CDKL1: variants seen among roughly 807,000 people sequenced by gnomAD.
The protein encoded by CDKL1 is cyclin dependent kinase like 1.
CDKL1 carries 41 observed loss-of-function variants against 42.0 expected under a neutral mutation model. That is an observed-to-expected ratio of 0.98 (90% confidence interval 0.76 to 1.27). The LOEUF is 1.27. CDKL1 is among the 50% of genes most tolerant of loss of function. CDKL1 has a pLI of 0.00. For missense variants in CDKL1, 394 were observed against 428.4 expected, an observed-to-expected ratio of 0.92 and a Z score of 0.71; for synonymous variants, 153 against 158.6, an observed-to-expected ratio of 0.96 and a Z score of 0.26.
chr14:50,397,164 G>A (rs764258189), upstream of CDKL1: 1 of 1,366,414 alleles, frequency 7.3e-7, no homozygotes, highest in South Asian at 1.1e-5. Context: ...AGACGCCTGC[G>A]CTAGGAGCCC....
intron 2 of CDKL1, among the ~76,000 whole-genome samples, chr14:50,389,865 G>T (rs1388309632): frequency 6.6e-6 from 1 of 152,144 alleles, no homozygotes; most frequent in Non-Finnish European, 1.5e-5. Context: ...GTGATGGATG[G>T]TTCTGGTATG....
chr14:50,332,588 C>G (rs2139359472), intron 8 of CDKL1, 156 bp from the exon 9 acceptor site: 1 of 1,483,622 alleles, frequency 6.7e-7, no homozygotes, highest in African/African-American at 1.4e-5. Flanking sequence ...TCCTTCCAGT[C>G]ATTCCTAAAT....
chr14:50,371,988 C>G (rs1300032238), intron 2 of CDKL1, among the ~76,000 whole-genome samples: 1 of 152,230 alleles, frequency 6.6e-6, no homozygotes, highest in African/African-American at 2.4e-5. Flanking sequence ...TCGGACCCCT[C>G]TGGACTTTGG....
At position 50,341,091 on chromosome 14, in the gene CDKL1, A is replaced by T; in HGVS notation, c.596T>A (p.Val199Glu). 1.2e-6 allele frequency: 2 copies of T among 1,614,128 alleles called. No homozygotes were observed. The highest frequency in any genetic ancestry group is 1.7e-6 in the Non-Finnish European group (2 of 1,180,022). Residue 199 changes from valine to glutamate, a missense_variant, in exon 6 of 10, where the codon GTG (valine) becomes GAG (glutamate). Coordinates refer to ENST00000395834, the MANE Select transcript of CDKL1 (RefSeq NM_004196.7). ...ATCCGATTTTCCTGGCCACAGAGGC[A>T]CTCCTGACAGCAGCTCAGCAAAGAC... The part of the protein sequence containing the change: ...GCVFAELLSG[V>E]PLWPGKSDVD...
Position 50,395,846 on chromosome 14 carries a change from C to T in CDKL1, c.23G>A (p.Gly8Glu). 4 of 1,611,878 alleles carry T rather than the reference C, an allele frequency of 2.5e-6. No homozygotes were observed. Among genetic ancestry groups the T allele is most frequent in the Non-Finnish European group, 3.4e-6 (4 of 1,178,100 alleles). The change falls in exon 2 of 10, where the codon GGG (glycine) becomes GAG (glutamate). Residue 8 changes from glycine (G) to glutamate (E), a missense_variant. Gly to Glu is a moderately conservative substitution (Grantham distance 98). Coordinates refer to ENST00000395834, the MANE Select transcript of CDKL1 (RefSeq NM_004196.7). MEKYEKI[G>E]KIGEGSYGVV... The stretch of plus-strand genomic sequence containing the variant: ...TCCATAGGATCCTTCTCCAATTTTC[C>T]CAATTTTTTCATACTTCTCCATCAT...
chr14:50,345,118 G>C, intron 3 of CDKL1, 60 bp from the exon 4 acceptor site: 2 of 1,456,124 alleles, frequency 1.4e-6, no homozygotes, highest in Non-Finnish European at 9.4e-7. Flanking sequence ...TTCAGCTCAA[G>C]AAAAGAAAAA....
At chr14:50,389,837 T>C (rs1705791059) in intron 2 of CDKL1, among the ~76,000 whole-genome samples, 1 of 151,686 alleles carries the variant, frequency 6.6e-6, no homozygotes, top group Non-Finnish European at 1.5e-5. Flanking sequence ...GACTTCAGAG[T>C]ATGGTGTTTG....
chr14:50,396,126 C>T lies in CDKL1; in HGVS notation c.-258G>A. On this transcript the variant is annotated 5_prime_UTR_variant, in exon 2 of 10. Transcript: ENST00000395834. ...GCGTGAACCTGGGAGGCGCAGGTTGCAGTGAGCCGAGATCGCGCCACTGCA... is the reference window on the plus strand; with the variant it reads ...GCGTGAACCTGGGAGGCGCAGGTTGTAGTGAGCCGAGATCGCGCCACTGCA... The T allele has an allele frequency of 1.9e-6, 2 of 1,048,962 alleles. No individual in the cohort carries two copies. 65.0% of individuals were successfully genotyped at this position (1,048,962 alleles called of 1,614,324 possible). A position where few individuals can be genotyped will look rare whatever the true frequency, so the allele number is the denominator to read the frequency against.
intron 2 of CDKL1, chr14:50,362,995 G>C (rs751923351): frequency 1.1e-5 from 5 of 462,128 alleles, no homozygotes; most frequent in African/African-American, 8.0e-5. Flanking sequence ...TTATGGCAAA[G>C]GGCTGCAGCT....
intron 2 of CDKL1, chr14:50,378,121 T>C: frequency 7.4e-7 from 1 of 1,343,508 alleles, no homozygotes; most frequent in Non-Finnish European, 9.9e-7. Context: ...CCCTGAACCT[T>C]CAGGGCTAGG....
chr14:50,331,794 C>A (rs1253150170), intron 9 of CDKL1: 1 of 533,440 alleles, frequency 1.9e-6, no homozygotes, highest in Non-Finnish European at 3.3e-6. Context: ...TCAGCTGATA[C>A]CACCAAAAGC....
At chr14:50,340,962 T>C in intron 6 of CDKL1, 70 bp downstream of exon 6, 1 of 1,551,390 alleles carries the variant, frequency 6.4e-7, no homozygotes, top group Non-Finnish European at 8.7e-7. Flanking sequence ...GACTGAGAAC[T>C]TGGCTCTGCC....
chr14:50,369,733 C>G (rs2034538250), intron 2 of CDKL1, among the ~76,000 whole-genome samples: 1 of 151,842 alleles, frequency 6.6e-6, no homozygotes, highest in Admixed American at 6.6e-5. Flanking sequence ...ATTCTCCTGC[C>G]TCAGCCTCCT....
At chr14:50,383,569 A>T (rs935425864) in intron 2 of CDKL1, among the ~76,000 whole-genome samples, 1 of 58,486 alleles carries the variant, frequency 1.7e-5, no homozygotes, top group African/African-American at 8.6e-5. Context: ...AAAAAAACAA[A>T]CAACAACAAC....
intron 2 of CDKL1, among the ~76,000 whole-genome samples, chr14:50,381,902 C>T (rs1410739543): frequency 1.3e-5 from 2 of 152,072 alleles, no homozygotes; most frequent in African/African-American, 2.4e-5. Context: ...CCTCCCAAAG[C>T]GCTGGAATCA....
intron 2 of CDKL1, among the ~76,000 whole-genome samples, chr14:50,369,721 C>T (rs572050263): frequency 2.3e-4 from 34 of 150,712 alleles, no homozygotes; most frequent in Middle Eastern, 3.5e-3. Flanking sequence ...TGGGTTCAAG[C>T]AATTCTCCTG....
At chr14:50,375,002 C>T (rs1405708599) in intron 2 of CDKL1, among the ~76,000 whole-genome samples, 2 of 151,956 alleles carry the variant, frequency 1.3e-5, no homozygotes, top group Admixed American at 1.3e-4. Context: ...GGCTTAAAAC[C>T]TAGATGATGG....
At chr14:50,390,009 A>G in intron 2 of CDKL1, 3 of 549,906 alleles carry the variant, frequency 5.5e-6, no homozygotes, top group South Asian at 2.9e-5. Flanking sequence ...TCTACCTTCT[A>G]AGGTTGTTAT....
chr14:50,360,181 G>A lies in CDKL1; in HGVS notation c.169-1032C>T, dbSNP rs180841165. Among the ~76,000 whole-genome samples, 21 of 152,034 alleles carry A rather than the reference G, an allele frequency of 1.4e-4. No individual in the cohort carries two copies. In the South Asian group the frequency reaches 3.1e-3, roughly 23 times the overall value. ...TGTTGTTTTATCGCATTAACTTTCC[G>A]CCCTGATTTTTAGAACTGTGGTGAA... is the stretch of plus-strand genomic sequence containing the variant. On this transcript the variant is annotated intron_variant, in intron 2 of 9. Transcript: ENST00000395834.
Sources: gnomAD v4.1 joint callset for allele counts (sites outside exome capture counted in the v4.1 genomes callset) on GRCh38, gnomAD v4.1.1 for gene constraint, MANE v1.5 for transcripts, NCBI Gene and HGNC (gene_info 2026-07-23, HGNC 2026-07-21) for gene names.